The following RADIL variants were observed in gnomAD, a reference collection of about 807,000 sequenced individuals.
The protein encoded by RADIL is Rap associating with DIL domain, also known as ras-associating and dilute domain-containing protein.
RADIL carries 99 observed loss-of-function variants against 97.6 expected under a neutral mutation model. That is an observed-to-expected ratio of 1.01 (90% CI 0.86 to 1.20). The LOEUF is 1.20. Among genes scored for constraint, RADIL ranks in the 50% most tolerant of loss-of-function variants. The probability of loss-of-function intolerance (pLI) is 0.00; values close to 1 mark genes in which losing one functional copy is unlikely to be tolerated. For missense variants in RADIL, 1,765 were observed against 1,498.9 expected (o/e 1.18, Z -2.93); for synonymous variants, 803 against 691.8 (o/e 1.16, Z -2.52).
At chr7:4,809,077 G>A (rs915296033) in intron 9 of RADIL, 17 of 980,230 alleles carry the variant, frequency 1.7e-5, no homozygotes, top group Non-Finnish European at 1.9e-5. Flanking sequence ...GCCCCTCCGC[G>A]TCTCCTGTAG....
intron 11 of RADIL, among the ~76,000 whole-genome samples, chr7:4,802,862 G>T (rs1233117432): frequency 9.5e-6 from 1 of 104,962 alleles, no homozygotes; most frequent in Non-Finnish European, 1.9e-5. Context: ...CCCCCTCCCC[G>T]GGCACCTCGG....
intron 5 of RADIL, among the ~76,000 whole-genome samples, chr7:4,825,236 C>T (rs371378951): frequency 5.9e-5 from 9 of 152,136 alleles, no homozygotes; most frequent in South Asian, 2.1e-4. Flanking sequence ...CAGCACGGCC[C>T]GGCAGGAGGA....
At position 4,801,819 on chromosome 7, in the gene RADIL, A is replaced by G; in HGVS notation, c.2676T>C (p.Ala892=). 1 of 1,607,532 alleles carries G rather than the reference A, an allele frequency of 6.2e-7. No homozygotes were observed. Among genetic ancestry groups the G allele is most frequent in the Non-Finnish European group, 8.5e-7 (1 of 1,177,824 alleles). ...GRQPSRGGSQ[A]GPPHTDSSCL... ...AGGACGAGTCCGTGTGCGGGGGGCC[A>G]GCCTGGGAGCCCCCACGGCTGGGTT... The change falls in exon 12 of 15, where the codon GCT becomes GCC. Residue 892 remains alanine (A), a synonymous_variant. Transcript: ENST00000399583.
chr7:4,816,825 C>T (rs1051451665), intron 7 of RADIL, among the ~76,000 whole-genome samples: 4 of 152,252 alleles, frequency 2.6e-5, no homozygotes, highest in East Asian at 3.9e-4. Flanking sequence ...AGTGGCTCAC[C>T]GCACCCCCGA....
chr7:4,807,978 C>CAT (rs1782390141), intron 9 of RADIL, among the ~76,000 whole-genome samples: 1 of 61,108 alleles, frequency 1.6e-5, no homozygotes, highest in African/African-American at 1.3e-4. Context: ...CTCCCTCCTC[C>CAT]CTCTCTCCCT....
At position 4,799,754 on chromosome 7, in the gene RADIL, C is replaced by T. The variant is rs554698441; in HGVS notation, c.2998G>A (p.Ala1000Thr). The part of the protein sequence containing the change: ...LIDGMHTHLG[A>T]PGLYIQTLLP... ...AGGGTCTGGATGTAGAGCCCGGGGG[C>T]GCCCAGGTGCGTGTGCTGGGGACAA... is the stretch of plus-strand genomic sequence containing the variant. Residue 1000 changes from alanine to threonine, a missense_variant, in exon 14 of 15, where the codon GCC becomes ACC. Physicochemically the swap from Ala to Thr is moderately conservative, Grantham distance 58 (BLOSUM62 0). Transcript: ENST00000399583. 185 of 1,539,988 alleles carry T rather than the reference C, an allele frequency of 1.2e-4. No homozygotes were observed. Among genetic ancestry groups the T allele is most frequent in the Admixed American group, 2.6e-4 (13 of 50,640 alleles).
At position 4,819,621 on chromosome 7, in the gene RADIL, C is replaced by G. The variant is rs1782774642; in HGVS notation, c.1616-2270G>C. 6.6e-6 allele frequency among the ~76,000 whole-genome samples: 1 copy of G among 152,212 alleles called. No homozygotes were observed. ...GGCGCGGGAGGGGCCTGGGTCAGAGCTTTGTACAAAACAGTGTTTGCGGAA... is the reference window on the plus strand; with the variant it reads ...GGCGCGGGAGGGGCCTGGGTCAGAGGTTTGTACAAAACAGTGTTTGCGGAA... On this transcript the variant is annotated intron_variant, in intron 6 of 14. Coordinates refer to ENST00000399583, the MANE Select transcript of RADIL (RefSeq NM_018059.5). This position sits in a 1 kb window ranked among gnomAD's most constrained non-coding sequence, Gnocchi z 5.8.
chr7:4,816,924 T>C (rs1183587578), intron 7 of RADIL, among the ~76,000 whole-genome samples: 1 of 152,148 alleles, frequency 6.6e-6, no homozygotes, highest in Non-Finnish European at 1.5e-5. Context: ...GCCATGTCCC[T>C]TGCGCCCCAT....
rs544286724 is a variant in RADIL at position 4,799,145 on chromosome 7, T to C, written c.*233A>G. On this transcript the variant is annotated 3_prime_UTR_variant, in exon 15 of 15. Transcript: ENST00000399583. The stretch of plus-strand genomic sequence containing the variant: ...TAGTTTATTGAACCGTACTTCTCCA[T>C]TGAAGTCTTTAAACATAAAAGCTCT... 2.3e-4 allele frequency: 125 copies of C among 554,162 alleles called. No homozygotes were observed. The highest frequency in any genetic ancestry group is 1.9e-3 in the East Asian group (63 of 32,570). 34.3% of individuals were successfully genotyped at this position (554,162 alleles called of 1,614,324 possible). A position where few individuals can be genotyped will look rare whatever the true frequency, so the allele number is the denominator to read the frequency against.
At chr7:4,860,545 A>G in intron 2 of RADIL, 1 of 1,614,240 alleles carries the variant, frequency 6.2e-7, no homozygotes, top group Non-Finnish European at 8.5e-7. Flanking sequence ...TGGGTGCTGG[A>G]AATGACTGTG....
At position 4,842,302 on chromosome 7, in the gene RADIL, G is replaced by A. The variant is rs1428015350; in HGVS notation, c.536-5697C>T. 1.3e-5 allele frequency among the ~76,000 whole-genome samples: 2 copies of A among 152,148 alleles called. No homozygotes were observed. The highest frequency in any genetic ancestry group is 1.9e-4 in the East Asian group (1 of 5,188). ...AAGGAGGGCTGAGCTCCATGTCCCT[G>A]AAGCTCTGTTAGCGGCCTTCCTCCC... On this transcript the variant is annotated intron_variant, in intron 2 of 14. Coordinates refer to ENST00000399583, the MANE Select transcript of RADIL (RefSeq NM_018059.5). The surrounding 1 kb of genome is among the most constrained non-coding windows in gnomAD (Gnocchi z 4.5).
chr7:4,853,383 A>G (rs79277101), intron 2 of RADIL, among the ~76,000 whole-genome samples: 5,960 of 152,280 alleles, frequency 0.039, 428 homozygotes, highest in African/African-American at 0.14. Context: ...GGCCTTTTAA[A>G]TAGCAGAAAG....
Position 4,883,366 on chromosome 7 carries a change from C to T in RADIL, c.-65+230G>A, listed in dbSNP as rs867599786. On this transcript the variant is annotated intron_variant, in intron 1 of 14. Transcript: ENST00000399583. This position sits in a 1 kb window ranked among gnomAD's most constrained non-coding sequence, Gnocchi z 7.1. ...CCCCGCAGGCTGGGCCGCCCTTGCC[C>T]GCGCTAGCCGGCCTCCGGGTACCGC... 8.5e-5 allele frequency among the ~76,000 whole-genome samples: 13 copies of T among 152,206 alleles called. No individual in the cohort carries two copies. Among genetic ancestry groups the T allele is most frequent in the African/African-American group, 3.1e-4 (13 of 41,556 alleles).
chr7:4,822,660 A>G lies in RADIL; in HGVS notation c.1455-106T>C. The G allele has an allele frequency of 7.8e-7, 1 of 1,285,194 alleles. No homozygotes were observed. Among genetic ancestry groups the G allele is most frequent in the Non-Finnish European group, 1.1e-6 (1 of 933,492 alleles). The allele number at this position is 1,285,194 out of a possible 1,614,324, so 79.6% of individuals were successfully genotyped here. A position where few individuals can be genotyped will look rare whatever the true frequency, so the allele number is the denominator to read the frequency against. The stretch of plus-strand genomic sequence containing the variant: ...TGCGCGTTTTCATGGGACGCTGACA[A>G]CAACTGCAACCATCAACCTGACACT... On this transcript the variant is annotated intron_variant, in intron 5 of 14. Transcript: ENST00000399583. This position sits in a 1 kb window ranked among gnomAD's most constrained non-coding sequence, Gnocchi z 5.3.
rs1350936384 is a variant in RADIL at position 4,883,618 on chromosome 7, G to GCC, written c.-89_-88dup. ...CACCTCCGGCACAACCCGCCGCGCC[G>GCC]CCACGTTCCCGCGCTGCTCCCACCC... is the stretch of plus-strand genomic sequence containing the variant. On this transcript the variant is annotated 5_prime_UTR_variant, in exon 1 of 15. Transcript: ENST00000399583. This position sits in a 1 kb window ranked among gnomAD's most constrained non-coding sequence, Gnocchi z 7.1. The GCC allele has an allele frequency of 6.6e-6, 1 of 151,948 alleles. No individual in the cohort carries two copies. 9.4% of individuals were successfully genotyped at this position (151,948 alleles called of 1,614,324 possible).
rs975262733 is a variant in RADIL at position 4,837,815 on chromosome 7, T to C, written c.536-1210A>G. 2.0e-5 allele frequency: 20 copies of C among 985,048 alleles called. No homozygotes were observed. The highest frequency in any genetic ancestry group is 6.2e-5 in the Admixed American group (1 of 16,254). The allele number at this position is 985,048 out of a possible 1,614,324, so 61.0% of individuals were successfully genotyped here. On this transcript the variant is annotated intron_variant, in intron 2 of 14. Coordinates refer to ENST00000399583, the MANE Select transcript of RADIL (RefSeq NM_018059.5). The surrounding 1 kb of genome is among the most constrained non-coding windows in gnomAD (Gnocchi z 5.6). ...GGGAAAGCCAGCCGGCTGCGATAGA[T>C]GAAAACCGCTCACCAGTCCCCAGCT...
chr7:4,859,864 CTTT>C (rs1160359484), intron 2 of RADIL: 2 of 1,445,476 alleles, frequency 1.4e-6, no homozygotes, highest in Admixed American at 2.0e-5. Context: ...GTCCTTTCTT[CTTT>C]ATGAGGCAAG....
At position 4,800,248 on chromosome 7, in the gene RADIL, C is replaced by CGGTGCT. The variant is rs1782036628; in HGVS notation, c.2899_2904dup (p.Ser967_Thr968dup). 5 of 1,583,648 alleles carry CGGTGCT rather than the reference C, an allele frequency of 3.2e-6. No homozygotes were observed. The highest frequency in any genetic ancestry group is 1.2e-5 in the South Asian group (1 of 85,820). On this transcript the variant is annotated inframe_insertion, in exon 13 of 15. Coordinates refer to ENST00000399583, the MANE Select transcript of RADIL (RefSeq NM_018059.5). ...ACCGTGAAGACGTAGCAGAAGTCCTCGGTGCTGGAGCTGCGGCTGGACGGG... is the reference window on the plus strand; with the variant it reads ...ACCGTGAAGACGTAGCAGAAGTCCTCGGTGCTGGTGCTGGAGCTGCGGCTGGACGGG...
Position 4,811,426 on chromosome 7 carries a change from G to C in RADIL, c.2139+3852C>G, listed in dbSNP as rs199732321. 16 of 151,460 alleles carry C rather than the reference G, an allele frequency of 1.1e-4. No homozygotes were observed. In the East Asian group the frequency reaches 1.9e-3, roughly 18 times the overall value. The allele number at this position is 151,460 out of a possible 1,614,324, so 9.4% of individuals were successfully genotyped here. A position where few individuals can be genotyped will look rare whatever the true frequency, so the allele number is the denominator to read the frequency against. ...TTACTGGTGTTTTAAAGTGAGGTAG[G>C]GTTTCCTCTTTTTCTACTTTCTGGT... On this transcript the variant is annotated intron_variant, in intron 9 of 14. Coordinates refer to ENST00000399583, the MANE Select transcript of RADIL (RefSeq NM_018059.5).
Sources: allele counts gnomAD v4.1 joint callset (sites outside exome capture counted in the v4.1 genomes callset), GRCh38; gene constraint gnomAD v4.1.1; non-coding constraint Gnocchi (gnomAD v3.1); transcripts MANE v1.5; gene names NCBI Gene and HGNC (gene_info 2026-07-23, HGNC 2026-07-21).